The following TTC28 variants were observed in gnomAD, a reference collection of about 807,000 sequenced individuals.
TTC28 encodes tetratricopeptide repeat domain 28, also known as tetratricopeptide repeat protein 28.
Under a neutral mutation model 198.0 loss-of-function variants are expected in TTC28, and 61 were observed. The ratio of observed to expected loss-of-function variants is 0.31; its 90% CI spans 0.25 to 0.38. TTC28 has a LOEUF of 0.38. Ranked by LOEUF, TTC28 falls within the 10% of genes least tolerant of loss-of-function variation. The pLI is 1.00. For missense variants in TTC28, 2,678 were observed against 3,164.0 expected (o/e 0.85, Z 3.69); for synonymous variants, 1,171 against 1,297.8 (o/e 0.90, Z 2.10).
At chr22:28,373,118 T>C (rs547697962) in intron 2 of TTC28, among the ~76,000 whole-genome samples, 5 of 152,292 alleles carry the variant, frequency 3.3e-5, no homozygotes, top group Admixed American at 1.3e-4. Context: ...CTTGGAAATA[T>C]TGTCACATTA....
rs547729137 is a variant in TTC28 at position 28,391,172 on chromosome 22, C to T, written c.382-84529G>A. Among the ~76,000 whole-genome samples, 368 of 152,296 alleles carry T rather than the reference C, an allele frequency of 2.4e-3. 3 individuals are homozygous for T. The highest frequency in any genetic ancestry group is 9.1e-3 in the East Asian group (47 of 5,188). Reference sequence around the variant, plus strand: ...TTTAAGAATGTTGAATATTGGCCCCCACTCTCTTCTGGCTTGTAGAGTTTC... The same window carrying T: ...TTTAAGAATGTTGAATATTGGCCCCTACTCTCTTCTGGCTTGTAGAGTTTC... On this transcript the variant is annotated intron_variant, in intron 2 of 22. Coordinates refer to ENST00000397906, the MANE Select transcript of TTC28 (RefSeq NM_001145418.2).
chr22:28,161,823 A>AG, intron 6 of TTC28, among the ~76,000 whole-genome samples: 1 of 125,022 alleles, frequency 8.0e-6, no homozygotes, highest in East Asian at 2.8e-4. Context: ...GGAGGGAAGG[A>AG]GGGAGGGAGG....
intron 5 of TTC28, among the ~76,000 whole-genome samples, chr22:28,235,582 G>A (rs1057191675): frequency 5.3e-5 from 8 of 152,158 alleles, no homozygotes; most frequent in African/African-American, 1.4e-4. Context: ...TGGTAGTAGT[G>A]TCTGAACAGA....
chr22:28,463,184 C>G (rs1442599983), intron 2 of TTC28, among the ~76,000 whole-genome samples: 1 of 152,226 alleles, frequency 6.6e-6, no homozygotes, highest in African/African-American at 2.4e-5. Context: ...CTGGAACTTA[C>G]TATCTCACAT....
intron 5 of TTC28, among the ~76,000 whole-genome samples, chr22:28,264,358 C>T (rs2147307916): frequency 6.6e-6 from 1 of 152,262 alleles, no homozygotes; most frequent in Non-Finnish European, 1.5e-5. Flanking sequence ...GTCCATTAAA[C>T]CTCCTTTTCT....
At chr22:28,100,201 C>A (rs1238894292) in intron 9 of TTC28, among the ~76,000 whole-genome samples, 1 of 152,134 alleles carries the variant, frequency 6.6e-6, no homozygotes, top group South Asian at 2.1e-4. Flanking sequence ...TGGCTAAGAT[C>A]AAGTACAGAA....
chr22:28,144,922 T>C (rs1943429576), intron 6 of TTC28, among the ~76,000 whole-genome samples: 1 of 152,214 alleles, frequency 6.6e-6, no homozygotes, highest in African/African-American at 2.4e-5. Flanking sequence ...GGAAGGGGTG[T>C]TTCCTCACAA....
chr22:28,338,496 C>G (rs1461658858), intron 2 of TTC28, among the ~76,000 whole-genome samples: 3 of 152,186 alleles, frequency 2.0e-5, no homozygotes, highest in Non-Finnish European at 4.4e-5. Context: ...TAGATTTGGT[C>G]TTTTCACATA....
intron 2 of TTC28, among the ~76,000 whole-genome samples, chr22:28,504,952 GT>G (rs1357403620): frequency 6.6e-6 from 1 of 151,930 alleles, no homozygotes; most frequent in Admixed American, 6.6e-5. Flanking sequence ...CTGGAAAAAA[GT>G]TTTAAAAGTT....
At chr22:28,037,059 T>C (rs1485266079) in intron 12 of TTC28, among the ~76,000 whole-genome samples, 1 of 152,138 alleles carries the variant, frequency 6.6e-6, no homozygotes, top group African/African-American at 2.4e-5. Flanking sequence ...CAGGACCAGA[T>C]GGATTCACAG....
intron 2 of TTC28, among the ~76,000 whole-genome samples, chr22:28,555,672 T>C (rs764695474): frequency 1.3e-5 from 2 of 152,078 alleles, no homozygotes; most frequent in Non-Finnish European, 1.5e-5. Flanking sequence ...GAATGATACA[T>C]TGGACTTTGG....
intron 2 of TTC28, among the ~76,000 whole-genome samples, chr22:28,533,829 A>G (rs935209637): frequency 3.3e-5 from 5 of 152,226 alleles, no homozygotes; most frequent in Non-Finnish European, 5.9e-5. Flanking sequence ...CTATTTAATA[A>G]ATGGTGCTGG....
chr22:28,210,888 A>G (rs1434152066), intron 5 of TTC28, among the ~76,000 whole-genome samples: 2 of 152,166 alleles, frequency 1.3e-5, no homozygotes, highest in African/African-American at 4.8e-5. Flanking sequence ...AGCCAGAGAG[A>G]AAGGTCGGGT....
At chr22:28,354,344 C>CA (rs199741738) in intron 2 of TTC28, among the ~76,000 whole-genome samples, 1,540 of 151,426 alleles carry the variant, frequency 0.01, 26 homozygotes, top group African/African-American at 0.035. Flanking sequence ...ATTATTCAGC[C>CA]AAAAAAAATG....
Position 27,998,868 on chromosome 22 carries a change from G to C in TTC28, c.4791C>G (p.Asp1597Glu). The change falls in exon 16 of 23, where the codon GAC (aspartate) becomes GAG (glutamate). Residue 1597 changes from aspartate to glutamate, a missense_variant. This residue lies in a region of TTC28 where 727 missense variants were observed against 861.9 expected (regional missense o/e 0.84). Coordinates refer to ENST00000397906, the MANE Select transcript of TTC28 (RefSeq NM_001145418.2). ...DDASDGESIS[D>E]CPPLQELLLT... ...GCAGCAGCTCCTGCAGGGGCGGGCA[G>C]TCCGAGATGCTCTCCCCATCACTGG... 6.5e-7 allele frequency: 1 copy of C among 1,550,156 alleles called. No homozygotes were observed. Among genetic ancestry groups the C allele is most frequent in the Non-Finnish European group, 8.7e-7 (1 of 1,146,968 alleles).
chr22:28,280,982 CTCTA>C (rs746949005), intron 5 of TTC28, among the ~76,000 whole-genome samples: 1 of 152,022 alleles, frequency 6.6e-6, no homozygotes, highest in Non-Finnish European at 1.5e-5. Context: ...ATTGCTCCCC[CTCTA>C]TCTAATGTGT....
At chr22:28,380,095 T>A (rs1053675096) in intron 2 of TTC28, among the ~76,000 whole-genome samples, 1 of 120,104 alleles carries the variant, frequency 8.3e-6, no homozygotes, top group African/African-American at 2.6e-5. Flanking sequence ...ATACAGGAAA[T>A]CTCTGTTCTA....
At position 27,983,118 on chromosome 22, in the gene TTC28, G is replaced by A. The variant is rs373188785; in HGVS notation, c.6549C>T (p.Ser2183=). The A allele has an allele frequency of 2.7e-5, 42 of 1,551,610 alleles. No individual in the cohort carries two copies. The Admixed American group carries it at 5.7e-4, about 21-fold the overall frequency. ...TATTACTCTTGCTCACCTGGCCGCC[G>A]CTCCTCTGAAGACGCTCCACCGCAA... ...HLIAVERLQR[S]GGQVSKSNNP... is the part of the protein sequence containing the mutation. Residue 2183 remains serine (S), a synonymous_variant, in exon 23 of 23, where the codon AGC becomes AGT. Coordinates refer to ENST00000397906, the MANE Select transcript of TTC28 (RefSeq NM_001145418.2).
intron 6 of TTC28, among the ~76,000 whole-genome samples, chr22:28,140,555 TAAG>T (rs961070197): frequency 1.3e-5 from 2 of 152,206 alleles, no homozygotes; most frequent in African/African-American, 4.8e-5. Context: ...TGTCGAGTTC[TAAG>T]AAGTTAAGAT....
Sources: gnomAD v4.1 joint callset for allele counts (sites outside exome capture counted in the v4.1 genomes callset) on GRCh38, gnomAD v4.1.1 for gene constraint, gnomAD v4.1.1 regional missense constraint, MANE v1.5 for transcripts, NCBI Gene and HGNC (gene_info 2026-07-23, HGNC 2026-07-21) for gene names.